The following LEKR1 variants were observed in gnomAD, a reference collection of about 807,000 sequenced individuals.
The protein encoded by LEKR1 is protein LEKR1.
A neutral mutation model predicts 72.4 loss-of-function variants in LEKR1; 59 were observed. The ratio of observed to expected loss-of-function variants is 0.82; its 90% CI spans 0.66 to 1.01. The LOEUF is 1.01. Ranked by LOEUF, LEKR1 falls within the 50% of genes least tolerant of loss-of-function variation. The probability of loss-of-function intolerance (pLI) is 0.00; values close to 1 mark genes in which losing one functional copy is unlikely to be tolerated. For missense variants in LEKR1, 728 were observed against 759.2 expected, an observed-to-expected ratio of 0.96 and a Z score of 0.48; for synonymous variants, 257 against 263.2, an observed-to-expected ratio of 0.98 and a Z score of 0.23.
At chr3:156,949,573 G>A (rs1415135151) in intron 6 of LEKR1, among the ~76,000 whole-genome samples, 2 of 150,784 alleles carry the variant, frequency 1.3e-5, no homozygotes, top group Non-Finnish European at 3.0e-5. Flanking sequence ...ATATTTACTA[G>A]CTGTGTTATT....
intron 5 of LEKR1, among the ~76,000 whole-genome samples, chr3:156,940,999 T>C (rs1013125031): frequency 2.4e-4 from 37 of 152,126 alleles, no homozygotes; most frequent in African/African-American, 6.3e-4. Context: ...AAAGACTTTT[T>C]AGGTACGTAG....
intron 4 of LEKR1, among the ~76,000 whole-genome samples, chr3:156,922,033 G>A (rs1724245387): frequency 6.6e-6 from 1 of 151,998 alleles, no homozygotes; most frequent in Non-Finnish European, 1.5e-5. Flanking sequence ...ATTTTTAGCT[G>A]AAAGATCACA....
At chr3:156,830,330 G>A (rs1712212554) in intron 2 of LEKR1, among the ~76,000 whole-genome samples, 1 of 152,116 alleles carries the variant, frequency 6.6e-6, no homozygotes, top group African/African-American at 2.4e-5. Flanking sequence ...ATAAGCTTTG[G>A]ATAACAACAA....
intron 6 of LEKR1, among the ~76,000 whole-genome samples, chr3:156,960,657 T>C (rs1728043998): frequency 6.6e-6 from 1 of 152,162 alleles, no homozygotes; most frequent in Non-Finnish European, 1.5e-5. Context: ...CCACATTTTT[T>C]CCCTTTATTT....
intron 3 of LEKR1, among the ~76,000 whole-genome samples, chr3:156,872,038 G>T (rs1432009935): frequency 6.6e-6 from 1 of 151,624 alleles, no homozygotes; most frequent in Non-Finnish European, 1.5e-5. Context: ...TGAAAGTTAG[G>T]AATAGTTCAG....
In LEKR1 at chr3:156,993,146, A is replaced by G; in HGVS notation, c.978A>G (p.Glu326=). The change falls in exon 9 of 13, where the codon GAA becomes GAG. Residue 326 remains glutamate, a synonymous_variant. Transcript: ENST00000356539. The part of the protein sequence containing the change: ...TCQQIYKALQ[E]ELTVKEKQEE... Reference sequence around the variant, plus strand: ...AACAGATATATAAAGCATTACAGGAAGAGCTGACTGTGAAAGAAAAGCAAG... The same window carrying G: ...AACAGATATATAAAGCATTACAGGAGGAGCTGACTGTGAAAGAAAAGCAAG... 1.9e-6 allele frequency: 3 copies of G among 1,612,668 alleles called. No individual in the cohort carries two copies. In the South Asian group the frequency reaches 3.3e-5, roughly 18 times the overall value.
intron 6 of LEKR1, among the ~76,000 whole-genome samples, chr3:156,948,920 T>C (rs961306062): frequency 6.6e-6 from 1 of 151,580 alleles, no homozygotes; most frequent in African/African-American, 2.4e-5. Flanking sequence ...TAATCAGTGA[T>C]AGTGAACTTT....
intron 10 of LEKR1, among the ~76,000 whole-genome samples, chr3:157,016,201 A>G (rs1228391989): frequency 6.6e-6 from 1 of 152,120 alleles, no homozygotes; most frequent in African/African-American, 2.4e-5. Context: ...TTACAAATTT[A>G]ATGAAAACTA....
At chr3:157,030,138 TGA>T (rs1217775972) in intron 12 of LEKR1, among the ~76,000 whole-genome samples, 1 of 152,018 alleles carries the variant, frequency 6.6e-6, no homozygotes, top group African/African-American at 2.4e-5. Context: ...CATCACATGG[TGA>T]GAGAGAGGTG....
At chr3:156,909,427 T>A (rs780674957) in intron 3 of LEKR1, among the ~76,000 whole-genome samples, 2 of 152,048 alleles carry the variant, frequency 1.3e-5, no homozygotes, top group African/African-American at 2.4e-5. Flanking sequence ...CAAGGAGGGC[T>A]GATCACGAGG....
In LEKR1 at chr3:156,853,190, A is replaced by G. The variant is rs192693068; in HGVS notation, c.263+208A>G. The G allele has an allele frequency of 1.6e-3, 498 of 305,322 alleles. 2 individuals are homozygous for G. The highest frequency in any genetic ancestry group is 0.01 in the African/African-American group (470 of 46,596). The allele number at this position is 305,322 out of a possible 1,614,324, so 18.9% of individuals were successfully genotyped here. A position where few individuals can be genotyped will look rare whatever the true frequency, so the allele number is the denominator to read the frequency against. ...GCATATATTTACTATCTGAAAAATTAGAAACCAATTAATTTAGTAACCACC... is the reference window on the plus strand; with the variant it reads ...GCATATATTTACTATCTGAAAAATTGGAAACCAATTAATTTAGTAACCACC... On this transcript the variant is annotated intron_variant, in intron 3 of 12. Transcript: ENST00000356539.
intron 6 of LEKR1, among the ~76,000 whole-genome samples, chr3:156,954,150 A>G (rs1727414333): frequency 6.6e-6 from 1 of 151,868 alleles, no homozygotes; most frequent in Admixed American, 6.6e-5. Flanking sequence ...TGTTGGCTGC[A>G]TGTATGTCTT....
intron 6 of LEKR1, among the ~76,000 whole-genome samples, chr3:156,950,625 T>A (rs1159972903): frequency 6.6e-6 from 1 of 151,054 alleles, no homozygotes; most frequent in East Asian, 1.9e-4. Flanking sequence ...TGTGTGAGTA[T>A]GTAAATTGTA....
chr3:156,854,141 T>G (rs981355682), intron 3 of LEKR1, among the ~76,000 whole-genome samples: 8 of 131,154 alleles, frequency 6.1e-5, no homozygotes, highest in Non-Finnish European at 7.9e-5. Flanking sequence ...AAATCACTTT[T>G]TTTTTTTTTT....
At chr3:157,032,708 G>C (rs1340074929) in intron 12 of LEKR1, among the ~76,000 whole-genome samples, 1 of 152,162 alleles carries the variant, frequency 6.6e-6, no homozygotes, top group Non-Finnish European at 1.5e-5. Context: ...AGAAAATCTA[G>C]TTATGTGACA....
chr3:157,003,485 G>C (rs968238368), intron 9 of LEKR1, among the ~76,000 whole-genome samples: 1 of 152,148 alleles, frequency 6.6e-6, no homozygotes, highest in Non-Finnish European at 1.5e-5. Flanking sequence ...GGTGTCAGCA[G>C]GGCTGGTTCC....
rs1733323836 is a variant in LEKR1, at chr3:157,016,259, C to T, written c.1203+4753C>T. On this transcript the variant is annotated intron_variant, in intron 10 of 12. Transcript: ENST00000356539. ...TCAATAAGCCTCAGGCACAACAAAC[C>T]CAAGTTCACCAAGGGAAATTATAAT... Among the ~76,000 whole-genome samples the T allele has an allele frequency of 2.6e-5, 4 of 152,102 alleles. No homozygotes were observed. The South Asian group carries it at 8.3e-4, about 32-fold the overall frequency.
chr3:156,950,680 G>A (rs1268271145), intron 6 of LEKR1, among the ~76,000 whole-genome samples: 2 of 151,254 alleles, frequency 1.3e-5, no homozygotes, highest in Non-Finnish European at 3.0e-5. Context: ...GGCTGTTGTT[G>A]GTGTATAGGA....
At chr3:156,927,724 G>T (rs1724850089) in intron 5 of LEKR1, 120 bp downstream of exon 5, 6 of 345,172 alleles carry the variant, frequency 1.7e-5, no homozygotes, top group South Asian at 1.3e-4. Context: ...GTTATCACTT[G>T]TTAGAGTAGA....
Sources: gnomAD v4.1 joint callset for allele counts (sites outside exome capture counted in the v4.1 genomes callset) on GRCh38, gnomAD v4.1.1 for gene constraint, MANE v1.5 for transcripts, NCBI Gene and HGNC (gene_info 2026-07-23, HGNC 2026-07-21) for gene names.